The following SLC2A13 variants were observed in gnomAD, a reference collection of about 807,000 sequenced individuals.
SLC2A13 encodes the protein solute carrier family 2 member 13, also known as proton myo-inositol cotransporter.
SLC2A13 carries 32 observed loss-of-function variants against 64.4 expected under a neutral mutation model. The observed-to-expected ratio is 0.50, with a 90% CI of 0.37 to 0.67. The LOEUF (loss-of-function observed/expected upper bound fraction) is 0.67. Ranked by LOEUF, SLC2A13 falls within the 30% of genes least tolerant of loss-of-function variation. SLC2A13 has a pLI of 0.00. For missense variants in SLC2A13, 743 were observed against 829.2 expected, an observed-to-expected ratio of 0.90 and a Z score of 1.28; for synonymous variants, 338 against 327.1, an observed-to-expected ratio of 1.03 and a Z score of -0.36.
chr12:40,053,073 G>A (rs1303705578), intron 1 of SLC2A13, among the ~76,000 whole-genome samples: 1 of 152,074 alleles, frequency 6.6e-6, no homozygotes, highest in South Asian at 2.1e-4. Flanking sequence ...ATGAGGTCAG[G>A]AGATTGAGAC....
chr12:40,027,079 C>CAA (rs762673381), intron 3 of SLC2A13, among the ~76,000 whole-genome samples: 9 of 83,788 alleles, frequency 1.1e-4, no homozygotes, highest in Admixed American at 2.3e-4. Flanking sequence ...GACTTCATCT[C>CAA]AAAAAAAAAA....
intron 3 of SLC2A13, among the ~76,000 whole-genome samples, chr12:40,008,646 T>G (rs1297913031): frequency 6.6e-6 from 1 of 151,624 alleles, no homozygotes; most frequent in Non-Finnish European, 1.5e-5. Flanking sequence ...GAGAAACAAT[T>G]AAACTAATCC....
At chr12:39,866,925 T>G (rs1943927098) in intron 5 of SLC2A13, among the ~76,000 whole-genome samples, 1 of 152,240 alleles carries the variant, frequency 6.6e-6, no homozygotes, top group South Asian at 2.1e-4. Flanking sequence ...AAGTCTATTT[T>G]GCAAAACCAG....
Position 39,843,148 on chromosome 12 carries a change from G to T in SLC2A13, c.1320-12920C>A, listed in dbSNP as rs536638888. On this transcript the variant is annotated intron_variant, in intron 6 of 9. Coordinates refer to ENST00000280871, the MANE Select transcript of SLC2A13 (RefSeq NM_052885.4). ...TGGGTATATGCCCAAGGGTGGAATT[G>T]CTGGGTCATATAACTATACATATGA... 9.9e-5 allele frequency among the ~76,000 whole-genome samples: 15 copies of T among 152,088 alleles called. No homozygotes were observed. In the South Asian group the frequency reaches 2.9e-3, roughly 29 times the overall value.
At chr12:39,959,545 A>G (rs1355926227) in intron 3 of SLC2A13, among the ~76,000 whole-genome samples, 1 of 152,244 alleles carries the variant, frequency 6.6e-6, no homozygotes, top group Admixed American at 6.5e-5. Flanking sequence ...TAATACCACT[A>G]AAATACTGTT....
intron 4 of SLC2A13, among the ~76,000 whole-genome samples, chr12:39,929,537 T>C (rs1945786497): frequency 6.7e-6 from 1 of 148,532 alleles, no homozygotes; most frequent in Non-Finnish European, 1.5e-5. Flanking sequence ...GGCGACAGAG[T>C]GAGAGTCCAT....
intron 3 of SLC2A13, among the ~76,000 whole-genome samples, chr12:39,991,135 CTG>C (rs1461216298): frequency 2.6e-5 from 4 of 152,200 alleles, no homozygotes; most frequent in South Asian, 2.1e-4. Context: ...CCATGAAAGA[CTG>C]TGTTTTTCTC....
At chr12:39,896,514 GTGTATACA>G (rs1199614149) in intron 4 of SLC2A13, among the ~76,000 whole-genome samples, 1,716 of 140,184 alleles carry the variant, frequency 0.012, 86 homozygotes, top group Admixed American at 0.044. Context: ...ATGTACATGT[GTGTATACA>G]TGTATACATG....
chr12:39,762,477 T>C (rs78504078), intron 9 of SLC2A13, among the ~76,000 whole-genome samples: 20,329 of 152,030 alleles, frequency 0.13, 1,630 homozygotes, highest in East Asian at 0.39. Context: ...CCACATGTGC[T>C]GTATATAAAA....
At chr12:39,940,927 A>G (rs936628025) in intron 4 of SLC2A13, among the ~76,000 whole-genome samples, 2 of 151,568 alleles carry the variant, frequency 1.3e-5, no homozygotes, top group Admixed American at 1.3e-4. Flanking sequence ...TTGCGTCCTC[A>G]TAGCTTAGCT....
At chr12:40,009,191 A>G (rs1947477761) in intron 3 of SLC2A13, among the ~76,000 whole-genome samples, 1 of 152,166 alleles carries the variant, frequency 6.6e-6, no homozygotes, top group South Asian at 2.1e-4. Flanking sequence ...CGTGGGATCG[A>G]TGTGATGGGC....
intron 6 of SLC2A13, among the ~76,000 whole-genome samples, chr12:39,838,206 T>C (rs1313120870): frequency 6.6e-6 from 1 of 150,572 alleles, no homozygotes; most frequent in East Asian, 2.0e-4. Context: ...ATGGATGAAA[T>C]TGGAAATCAT....
chr12:39,914,338 A>AC (rs1276664006), intron 4 of SLC2A13, among the ~76,000 whole-genome samples: 2 of 152,064 alleles, frequency 1.3e-5, no homozygotes, highest in African/African-American at 2.4e-5. Context: ...TATGAAATTT[A>AC]CCCTCTTACC....
At chr12:40,010,977 A>T (rs1947521482) in intron 3 of SLC2A13, among the ~76,000 whole-genome samples, 1 of 152,200 alleles carries the variant, frequency 6.6e-6, no homozygotes, top group Admixed American at 6.5e-5. Context: ...TAAGAAGAGC[A>T]TCTGTGTAGT....
chr12:39,846,526 A>G, intron 6 of SLC2A13, among the ~76,000 whole-genome samples: 1 of 152,132 alleles, frequency 6.6e-6, no homozygotes, highest in South Asian at 2.1e-4. Context: ...ATCTCAGGTT[A>G]CTTCAACTTC....
chr12:40,099,352 T>C (rs1361980567), intron 1 of SLC2A13, among the ~76,000 whole-genome samples: 1 of 152,120 alleles, frequency 6.6e-6, no homozygotes, highest in Non-Finnish European at 1.5e-5. Context: ...AAGAAAGATG[T>C]ACAAAGGAGC....
chr12:39,872,418 G>C (rs578137188), intron 4 of SLC2A13, among the ~76,000 whole-genome samples: 228 of 152,314 alleles, frequency 1.5e-3, no homozygotes, highest in African/African-American at 5.3e-3. Context: ...TCTGGGACAA[G>C]TGAAGGAACG....
chr12:39,864,338 C>T (rs1305191786), intron 6 of SLC2A13, among the ~76,000 whole-genome samples: 1 of 152,178 alleles, frequency 6.6e-6, no homozygotes, highest in Non-Finnish European at 1.5e-5. Flanking sequence ...GATAGCCATG[C>T]AAATCAGTCC....
intron 3 of SLC2A13, among the ~76,000 whole-genome samples, chr12:39,963,459 C>G (rs999794827): frequency 4.6e-5 from 7 of 152,102 alleles, no homozygotes; most frequent in African/African-American, 1.7e-4. Context: ...ATTTAACACT[C>G]CTACACAGAT....
Sources: gnomAD v4.1 joint callset for allele counts (sites outside exome capture counted in the v4.1 genomes callset) on GRCh38, gnomAD v4.1.1 for gene constraint, MANE v1.5 for transcripts, NCBI Gene and HGNC (gene_info 2026-07-23, HGNC 2026-07-21) for gene names.